Variants in THSD7B observed in about 807,000 individuals in gnomAD.
The protein encoded by THSD7B is thrombospondin type-1 domain-containing protein 7B.
THSD7B carries 138 observed loss-of-function variants against 213.6 expected under a neutral mutation model. The observed-to-expected ratio is 0.65, with a 90% CI of 0.56 to 0.74. The LOEUF is 0.74. Among genes scored for constraint, THSD7B ranks in the 30% least tolerant of loss-of-function variants. The pLI, the probability that THSD7B is intolerant of heterozygous loss-of-function variation, is 0.00. For missense variants in THSD7B, 1,931 were observed against 1,991.5 expected, an observed-to-expected ratio of 0.97 and a Z score of 0.58; for synonymous variants, 742 against 687.0, an observed-to-expected ratio of 1.08 and a Z score of -1.25.
At chr2:137,356,967 GAC>G (rs3048465) in intron 12 of THSD7B, among the ~76,000 whole-genome samples, 72,864 of 140,724 alleles carry the variant, frequency 0.52, 19,685 homozygotes, top group East Asian at 0.68. Context: ...CACACACACA[GAC>G]ACACACACAC....
chr2:136,985,667 C>T (rs1685658732), intron 2 of THSD7B, among the ~76,000 whole-genome samples: 1 of 152,222 alleles, frequency 6.6e-6, no homozygotes, highest in Admixed American at 6.5e-5. Context: ...AAGTGTGAGG[C>T]TGGAGCCCCC....
rs769605092 is a variant in THSD7B, at chr2:137,115,129, C to T, written c.1205C>T (p.Ser402Phe). The T allele has an allele frequency of 6.2e-7, 1 of 1,613,876 alleles. No homozygotes were observed. The highest frequency in any genetic ancestry group is 1.1e-5 in the South Asian group (1 of 91,080). ...AAATAAACCAAACCAAACAGGTATTCCTGGAGAACTTCTGAATGGAAAGAA... is the reference window on the plus strand; with the variant it reads ...AAATAAACCAAACCAAACAGGTATTTCTGGAGAACTTCTGAATGGAAAGAA... Reference protein sequence around the residue: ...GELLQQCPRYSWRTSEWKECQ... With the variant: ...GELLQQCPRYFWRTSEWKECQ... The change falls in exon 5 of 28, where the codon TCC (serine) becomes TTC (phenylalanine). Residue 402 changes from serine to phenylalanine, a missense_variant. Coordinates refer to ENST00000409968, the MANE Select transcript of THSD7B (RefSeq NM_001316349.2).
At chr2:137,014,288 A>C (rs911403831) in intron 2 of THSD7B, among the ~76,000 whole-genome samples, 4 of 152,138 alleles carry the variant, frequency 2.6e-5, no homozygotes, top group East Asian at 1.9e-4. Flanking sequence ...GCAACTACTC[A>C]CATGGTTGTG....
chr2:137,587,939 G>T (rs1681775178), intron 17 of THSD7B, among the ~76,000 whole-genome samples: 1 of 152,354 alleles, frequency 6.6e-6, no homozygotes, highest in South Asian at 2.1e-4. Context: ...CAGAGGTGGA[G>T]TCTACAAAGG....
Position 136,960,869 on chromosome 2 carries a change from C to A in THSD7B, c.139+78552C>A, listed in dbSNP as rs7420718. ...CTTAGGGAGGCCGAGGTGGGCGGAT[C>A]GCAAGGTCAGGAGATCAAGACCATC... On this transcript the variant is annotated intron_variant, in intron 2 of 27. Coordinates refer to ENST00000409968, the MANE Select transcript of THSD7B (RefSeq NM_001316349.2). Among the ~76,000 whole-genome samples, 12 of 151,390 alleles carry A rather than the reference C, an allele frequency of 7.9e-5. No homozygotes were observed. In the South Asian group the frequency reaches 2.5e-3, roughly 32 times the overall value.
chr2:137,265,043 G>T (rs1682554403), intron 10 of THSD7B, among the ~76,000 whole-genome samples: 1 of 151,722 alleles, frequency 6.6e-6, no homozygotes, highest in African/African-American at 2.4e-5. Context: ...TGTTCTCATT[G>T]TTCAATTCCC....
At chr2:136,945,003 G>A (rs867068446) in intron 2 of THSD7B, among the ~76,000 whole-genome samples, 2 of 152,042 alleles carry the variant, frequency 1.3e-5, no homozygotes, top group African/African-American at 4.8e-5. Context: ...TTACAATTTG[G>A]CATGTTTTTG....
intron 7 of THSD7B, among the ~76,000 whole-genome samples, chr2:137,228,146 GT>G (rs34200711): frequency 0.61 from 72,529 of 118,902 alleles, 18,243 homozygotes; most frequent in South Asian, 0.76. Flanking sequence ...CTGTGCAGCT[GT>G]TTTTTTTTTT....
At chr2:137,071,782 G>A (rs1304340906) in intron 3 of THSD7B, among the ~76,000 whole-genome samples, 1 of 152,092 alleles carries the variant, frequency 6.6e-6, no homozygotes, top group Non-Finnish European at 1.5e-5. Context: ...ATTAATTTTT[G>A]TATAAGGTGT....
intron 15 of THSD7B, among the ~76,000 whole-genome samples, chr2:137,497,183 A>T (rs985414434): frequency 7.2e-6 from 1 of 139,358 alleles, no homozygotes; most frequent in African/African-American, 2.6e-5. Context: ...ACATAGACAC[A>T]CATACAACAC....
At chr2:137,396,856 G>C (rs1393806972) in intron 12 of THSD7B, among the ~76,000 whole-genome samples, 30 of 151,788 alleles carry the variant, frequency 2.0e-4, no homozygotes, top group Non-Finnish European at 1.2e-4. Context: ...TCCTGTATTG[G>C]ATGCATATAT....
chr2:137,397,525 A>G (rs1222252411), intron 12 of THSD7B, among the ~76,000 whole-genome samples: 32 of 151,784 alleles, frequency 2.1e-4, no homozygotes, highest in African/African-American at 5.3e-4. Flanking sequence ...GGTTTCTGCC[A>G]AGAGATCCGC....
chr2:137,086,480 T>A (rs750230083), intron 3 of THSD7B, among the ~76,000 whole-genome samples: 1 of 152,216 alleles, frequency 6.6e-6, no homozygotes, highest in Non-Finnish European at 1.5e-5. Context: ...TGACTTTGAC[T>A]TTTCTGACTC....
intron 2 of THSD7B, among the ~76,000 whole-genome samples, chr2:136,948,766 T>A (rs1462291569): frequency 6.6e-6 from 1 of 152,218 alleles, no homozygotes; most frequent in East Asian, 1.9e-4. Flanking sequence ...TATTTAATTC[T>A]CACCACAATT....
chr2:137,437,361 C>T (rs2105048592), intron 14 of THSD7B, among the ~76,000 whole-genome samples: 1 of 152,290 alleles, frequency 6.6e-6, no homozygotes, highest in East Asian at 1.9e-4. Context: ...ATGGTCTTGC[C>T]TGTGCCCTCA....
intron 10 of THSD7B, among the ~76,000 whole-genome samples, chr2:137,253,212 G>C (rs917122215): frequency 2.0e-5 from 3 of 151,866 alleles, no homozygotes; most frequent in Non-Finnish European, 2.9e-5. Flanking sequence ...TCCTATCAGT[G>C]GTCTATGATA....
At chr2:137,408,068 AT>A (rs1558787211) in intron 13 of THSD7B, among the ~76,000 whole-genome samples, 1 of 152,026 alleles carries the variant, frequency 6.6e-6, no homozygotes. Flanking sequence ...GTTAATGCTG[AT>A]TTTGATTAGT....
In THSD7B at chr2:137,411,724, C is replaced by T; in HGVS notation, c.2811C>T (p.Cys937=). Residue 937 remains cysteine, a synonymous_variant, in exon 14 of 28, where the codon TGC becomes TGT. Transcript: ENST00000409968. ...ISQPYGNWSD[C]ILPEGRREPH... ...AACCTTATGGAAACTGGTCAGATTGCATTCTTCCAGAAGGCAGAAGGGAGC... is the reference window on the plus strand; with the variant it reads ...AACCTTATGGAAACTGGTCAGATTGTATTCTTCCAGAAGGCAGAAGGGAGC... 3 of 1,613,942 alleles carry T rather than the reference C, an allele frequency of 1.9e-6. No homozygotes were observed. Among genetic ancestry groups the T allele is most frequent in the Non-Finnish European group, 2.5e-6 (3 of 1,179,892 alleles).
chr2:137,211,841 G>A (rs1330059930), intron 7 of THSD7B, among the ~76,000 whole-genome samples: 2 of 152,044 alleles, frequency 1.3e-5, no homozygotes, highest in South Asian at 2.1e-4. Flanking sequence ...TCACATTATG[G>A]AAAGAAAAGG....
Sources: gnomAD v4.1 joint callset for allele counts (sites outside exome capture counted in the v4.1 genomes callset) on GRCh38, gnomAD v4.1.1 for gene constraint, MANE v1.5 for transcripts, NCBI Gene and HGNC (gene_info 2026-07-23, HGNC 2026-07-21) for gene names.